The following RSU1 variants were observed in gnomAD, a reference collection of about 807,000 sequenced individuals.
RSU1 encodes Ras suppressor protein 1.
In RSU1, 26 loss-of-function variants were observed where a neutral mutation model predicts 31.1. The ratio of observed to expected loss-of-function variants is 0.84; its 90% CI spans 0.61 to 1.16. The LOEUF (loss-of-function observed/expected upper bound fraction) is 1.16. Among genes scored for constraint, RSU1 ranks in the 50% most tolerant of loss-of-function variants. The probability of loss-of-function intolerance (pLI) is 0.00; values close to 1 mark genes in which losing one functional copy is unlikely to be tolerated. For synonymous variants in RSU1, 164 were observed against 136.3 expected (o/e 1.20, Z -1.41); for missense variants, 320 against 339.1 (o/e 0.94, Z 0.44).
At chr10:16,657,343 A>G (rs1834803092) in intron 8 of RSU1, among the ~76,000 whole-genome samples, 1 of 152,230 alleles carries the variant, frequency 6.6e-6, no homozygotes, top group Admixed American at 6.5e-5. Context: ...AGAATTAAGA[A>G]TGTTTAATAA....
At chr10:16,793,026 C>G (rs888199954) in intron 2 of RSU1, among the ~76,000 whole-genome samples, 2 of 152,166 alleles carry the variant, frequency 1.3e-5, no homozygotes, top group African/African-American at 4.8e-5. Flanking sequence ...TATGCAGGTT[C>G]TGACAATGTA....
At chr10:16,678,095 C>A (rs1327902216) in intron 8 of RSU1, among the ~76,000 whole-genome samples, 2 of 152,192 alleles carry the variant, frequency 1.3e-5, no homozygotes, top group African/African-American at 2.4e-5. Context: ...TTATTTCAAA[C>A]CCTCATGCCC....
At chr10:16,647,254 G>A (rs1834589706) in intron 8 of RSU1, among the ~76,000 whole-genome samples, 1 of 152,168 alleles carries the variant, frequency 6.6e-6, no homozygotes. Flanking sequence ...TTACTGGTGT[G>A]AGCCACCGCG....
intron 2 of RSU1, among the ~76,000 whole-genome samples, chr10:16,785,511 C>CAT (rs149370279): frequency 0.024 from 3,181 of 133,606 alleles, 81 homozygotes; most frequent in African/African-American, 0.043. Flanking sequence ...CACATATATA[C>CAT]ATATATATAT....
intron 7 of RSU1, 136 bp from the exon 8 acceptor site, chr10:16,695,291 A>G (rs911981138): frequency 3.9e-6 from 3 of 770,366 alleles, no homozygotes; most frequent in Admixed American, 6.1e-5. Flanking sequence ...ATGTCTTTTA[A>G]ATTTCTTAAC....
At chr10:16,732,030 G>T (rs937198092) in intron 7 of RSU1, among the ~76,000 whole-genome samples, 1 of 152,110 alleles carries the variant, frequency 6.6e-6, no homozygotes, top group Non-Finnish European at 1.5e-5. Context: ...AACCAACTGG[G>T]CTAAATGAGG....
At chr10:16,744,603 T>C (rs754330476) in intron 7 of RSU1, among the ~76,000 whole-genome samples, 3 of 152,132 alleles carry the variant, frequency 2.0e-5, no homozygotes, top group Non-Finnish European at 2.9e-5. Context: ...ATATAAAGGA[T>C]GTCAAAAAGA....
intron 8 of RSU1, among the ~76,000 whole-genome samples, chr10:16,661,325 TGTGTAA>T (rs1182473519): frequency 1.3e-5 from 2 of 149,888 alleles, no homozygotes; most frequent in East Asian, 2.0e-4. Flanking sequence ...TGTGTGTGTG[TGTGTAA>T]GTATTTATGA....
chr10:16,665,695 G>C (rs147554699), intron 8 of RSU1, among the ~76,000 whole-genome samples: 1 of 152,022 alleles, frequency 6.6e-6, no homozygotes. Flanking sequence ...TTTCCCCATG[G>C]AGATATCTTC....
chr10:16,763,586 A>G (rs889468795), intron 4 of RSU1, among the ~76,000 whole-genome samples: 4 of 152,124 alleles, frequency 2.6e-5, no homozygotes, highest in African/African-American at 9.7e-5. Context: ...GGGGATTACA[A>G]TTCCACATGA....
At chr10:16,679,417 G>A (rs1006681392) in intron 8 of RSU1, among the ~76,000 whole-genome samples, 3 of 152,188 alleles carry the variant, frequency 2.0e-5, no homozygotes, top group Non-Finnish European at 2.9e-5. Flanking sequence ...TGACACCTGG[G>A]AAAGAAGTGA....
chr10:16,628,660 C>T (rs1460018227), intron 8 of RSU1, among the ~76,000 whole-genome samples: 1 of 152,100 alleles, frequency 6.6e-6, no homozygotes, highest in African/African-American at 2.4e-5. Flanking sequence ...ATGACACATA[C>T]GATTTTTTTA....
chr10:16,810,523 T>C (rs1838386076), intron 2 of RSU1, among the ~76,000 whole-genome samples: 2 of 152,138 alleles, frequency 1.3e-5, no homozygotes, highest in Admixed American at 1.3e-4. Context: ...CAACGGCTGT[T>C]CCTCTTGACC....
rs532826408 is a variant in RSU1 at position 16,729,956 on chromosome 10, G to T, written c.598+22583C>A. Among the ~76,000 whole-genome samples the T allele has an allele frequency of 5.3e-5, 8 of 152,268 alleles. No individual in the cohort carries two copies. The South Asian group carries it at 1.7e-3, about 32-fold the overall frequency. ...TGCTATAATGGAATACTTGAGGCTGGGTAATTTACAAAGAAAAGTGGTTTA... is the reference window on the plus strand; with the variant it reads ...TGCTATAATGGAATACTTGAGGCTGTGTAATTTACAAAGAAAAGTGGTTTA... On this transcript the variant is annotated intron_variant, in intron 7 of 8. Coordinates refer to ENST00000345264, the MANE Select transcript of RSU1 (RefSeq NM_012425.4).
chr10:16,658,649 G>A (rs911151919), intron 8 of RSU1, among the ~76,000 whole-genome samples: 3 of 152,258 alleles, frequency 2.0e-5, no homozygotes, highest in South Asian at 2.1e-4. Context: ...GCTTGAACCC[G>A]GGAGGTGGAG....
intron 8 of RSU1, among the ~76,000 whole-genome samples, chr10:16,600,571 G>A (rs1387931611): frequency 1.3e-5 from 2 of 150,494 alleles, no homozygotes; most frequent in South Asian, 2.1e-4. Flanking sequence ...TTTTTTTAGG[G>A]GGGGGTGGTT....
chr10:16,691,534 CCTT>C (rs1835550035), intron 8 of RSU1, among the ~76,000 whole-genome samples: 2 of 152,000 alleles, frequency 1.3e-5, no homozygotes, highest in South Asian at 2.1e-4. Flanking sequence ...AAGTAACCAA[CCTT>C]CTTCTCCTTC....
chr10:16,772,773 T>C (rs1311289771), intron 3 of RSU1, among the ~76,000 whole-genome samples: 3 of 151,830 alleles, frequency 2.0e-5, no homozygotes, highest in Non-Finnish European at 2.9e-5. Context: ...ATAATATATA[T>C]GGATGTATAT....
In RSU1 at chr10:16,804,312, A is replaced by C. The variant is rs143735144; in HGVS notation, c.109+12661T>G. Among the ~76,000 whole-genome samples the C allele has an allele frequency of 4.2e-3, 633 of 152,308 alleles. 1 individual carries two copies. The highest frequency in any genetic ancestry group is 6.0e-3 in the Non-Finnish European group (408 of 68,020). ...ATGGCTAAAATCCAAAACACCAACA[A>C]CACCAAATGCTGGTGAGGATGTGGA... On this transcript the variant is annotated intron_variant, in intron 2 of 8. Transcript: ENST00000345264.
Sources: allele counts gnomAD v4.1 joint callset (sites outside exome capture counted in the v4.1 genomes callset), GRCh38; gene constraint gnomAD v4.1.1; transcripts MANE v1.5; gene names NCBI Gene and HGNC (gene_info 2026-07-23, HGNC 2026-07-21).